The following SPG7 variants were observed in gnomAD, a reference collection of about 807,000 sequenced individuals.
SPG7 encodes mitochondrial inner membrane m-AAA protease component paraplegin.
A neutral mutation model predicts 81.9 loss-of-function variants in SPG7; 103 were observed. That is an observed-to-expected ratio of 1.26 (90% CI 1.07 to 1.48). The LOEUF (loss-of-function observed/expected upper bound fraction) is 1.48. Ranked by LOEUF, SPG7 falls within the 40% of genes most tolerant of loss-of-function variation. The probability of loss-of-function intolerance (pLI) is 0.00; values close to 1 mark genes in which losing one functional copy is unlikely to be tolerated. For synonymous variants in SPG7, 534 were observed against 444.2 expected, an observed-to-expected ratio of 1.20 and a Z score of -2.54; for missense variants, 1,241 against 1,087.3, an observed-to-expected ratio of 1.14 and a Z score of -1.99.
chr16:89,514,935 C>CTTT (rs56327708), intron 3 of SPG7, among the ~76,000 whole-genome samples: 2 of 122,534 alleles, frequency 1.6e-5, no homozygotes, highest in African/African-American at 3.1e-5. Flanking sequence ...TGGCCTTGAC[C>CTTT]TTTTTTTTTT....
At chr16:89,525,069 C>T (rs1439003248) in intron 4 of SPG7, among the ~76,000 whole-genome samples, 1 of 149,354 alleles carries the variant, frequency 6.7e-6, no homozygotes, top group Non-Finnish European at 1.5e-5. Context: ...AGGTGATCTA[C>T]CCACCTCAGC....
intron 8 of SPG7, 148 bp from the exon 9 acceptor site, chr16:89,532,315 C>T (rs976701310): frequency 2.8e-5 from 30 of 1,080,594 alleles, no homozygotes; most frequent in Admixed American, 1.7e-4. Flanking sequence ...CAGGGGCCCC[C>T]GCGAGCAGCT....
rs1052834886 is a variant in SPG7 at position 89,555,023 on chromosome 16, C to A, written c.2181+460C>A. 1.6e-5 allele frequency: 3 copies of A among 184,654 alleles called. No individual in the cohort carries two copies. The Admixed American group carries it at 1.7e-4, about 10-fold the overall frequency. The allele number at this position is 184,654 out of a possible 1,614,324, so 11.4% of individuals were successfully genotyped here. A position where few individuals can be genotyped will look rare whatever the true frequency, so the allele number is the denominator to read the frequency against. ...CTCTGCCTCCCGGGTTCCAGTGATT[C>A]TCCTGCCTCAGCCTCCCGAGTAGCT... On this transcript the variant is annotated intron_variant, in intron 16 of 16. Transcript: ENST00000645818.
intron 3 of SPG7, chr16:89,520,533 C>A (rs2058172087): frequency 1.3e-5 from 2 of 153,684 alleles, no homozygotes; most frequent in African/African-American, 4.8e-5. Flanking sequence ...AGTAGCTGGG[C>A]TTACAGGCGC....
chr16:89,521,398 C>G (rs996367915), intron 3 of SPG7: 2 of 152,212 alleles, frequency 1.3e-5, no homozygotes, highest in African/African-American at 4.8e-5. Flanking sequence ...ACGTTTGTGA[C>G]GAAAGCAGAA....
intron 9 of SPG7, chr16:89,541,809 C>T (rs895293753): frequency 3.9e-5 from 6 of 152,226 alleles, no homozygotes; most frequent in Admixed American, 2.6e-4. Context: ...ACCGCATGTC[C>T]CTGACACATA....
At chr16:89,546,827 C>T (rs2058570547) in intron 11 of SPG7, 67 bp downstream of exon 11, 1 of 1,029,082 alleles carries the variant, frequency 9.7e-7, no homozygotes, top group Non-Finnish European at 1.5e-6. Flanking sequence ...CCTGCGCAAA[C>T]AGCATCGAGG....
At chr16:89,536,789 C>T (rs1254641982) in intron 9 of SPG7, 2 of 1,614,136 alleles carry the variant, frequency 1.2e-6, no homozygotes, top group African/African-American at 1.3e-5. Context: ...CAGCTACCCT[C>T]CCAGGGGACC....
At position 89,548,998 on chromosome 16, in the gene SPG7, TG is replaced by T. The variant is rs1244261845; in HGVS notation, c.1663+888del. On this transcript the variant is annotated intron_variant, in intron 12 of 16. Coordinates refer to ENST00000645818, the MANE Select transcript of SPG7 (RefSeq NM_003119.4). ...CTTGCAGGTCCCCAGGGCTTCAGCT[TG>T]GGAAAGCAGTGGGTTCCTGCAGAGG... The T allele has an allele frequency of 1.1e-5, 5 of 455,724 alleles. No individual in the cohort carries two copies. In the East Asian group the frequency reaches 3.5e-4, roughly 32 times the overall value. 28.2% of individuals were successfully genotyped at this position (455,724 alleles called of 1,614,324 possible). A position where few individuals can be genotyped will look rare whatever the true frequency, so the allele number is the denominator to read the frequency against.
chr16:89,556,070 G>A (rs1006615828), intron 16 of SPG7: 5 of 398,696 alleles, frequency 1.3e-5, no homozygotes, highest in African/African-American at 2.1e-5. Flanking sequence ...GAGCCACAAC[G>A]GGAGCAAAGC....
intron 5 of SPG7, among the ~76,000 whole-genome samples, chr16:89,528,150 G>A (rs1030880234): frequency 6.6e-6 from 1 of 151,514 alleles, no homozygotes; most frequent in Non-Finnish European, 1.5e-5. Context: ...CAGCACTTTG[G>A]GAGGCCGAGG....
intron 3 of SPG7, among the ~76,000 whole-genome samples, chr16:89,516,155 T>G (rs962030045): frequency 1.9e-4 from 29 of 152,062 alleles, no homozygotes; most frequent in Non-Finnish European, 4.0e-4. Context: ...GCCCAGCTAA[T>G]TTTTGTAGTT....
intron 5 of SPG7, chr16:89,529,218 A>G: frequency 1.8e-6 from 1 of 550,746 alleles, no homozygotes; most frequent in Non-Finnish European, 3.3e-6. Context: ...GAACGTTGTT[A>G]TTGTCACAAG....
intron 5 of SPG7, 179 bp downstream of exon 5, chr16:89,526,647 G>C (rs1056316915): frequency 9.0e-6 from 6 of 670,302 alleles, no homozygotes; most frequent in Admixed American, 8.8e-5. Flanking sequence ...TGGAAATATA[G>C]TTATCCCTGG....
intron 10 of SPG7, 172 bp downstream of exon 10, chr16:89,544,944 G>A: frequency 2.7e-6 from 2 of 754,484 alleles, no homozygotes; most frequent in South Asian, 3.1e-5. Flanking sequence ...CAGCAGACCT[G>A]CCCACCGGCT....
In SPG7 at chr16:89,553,881, C is replaced by T; in HGVS notation, c.2024C>T (p.Ser675Phe). 1 of 1,613,440 alleles carries T rather than the reference C, an allele frequency of 6.2e-7. No individual in the cohort carries two copies. Among genetic ancestry groups the T allele is most frequent in the Non-Finnish European group, 8.5e-7 (1 of 1,180,018 alleles). The stretch of plus-strand genomic sequence containing the variant: ...ATGGCACCTGGCATCGGGCCCATCT[C>T]CTTCCCTGAGGCGCAGGAGGGCCTC... ...FGMAPGIGPI[S>F]FPEAQEGLMG... Residue 675 changes from serine (S) to phenylalanine (F), a missense_variant, in exon 15 of 17, where the codon TCC becomes TTC. By Grantham distance (155) the Ser-to-Phe change is radical. Transcript: ENST00000645818.
At chr16:89,526,628 C>A in intron 5 of SPG7, 160 bp downstream of exon 5, 1 of 756,914 alleles carries the variant, frequency 1.3e-6, no homozygotes, top group Non-Finnish European at 2.3e-6. Context: ...GATACAATGC[C>A]AGGAGATTTG....
chr16:89,529,872 CCTT>C, intron 6 of SPG7: 1 of 415,624 alleles, frequency 2.4e-6, no homozygotes, highest in African/African-American at 2.0e-5. Flanking sequence ...GGAGTTTCGC[CCTT>C]CTTGCCCAGG....
chr16:89,554,002 G>A (rs770779733), intron 15 of SPG7, 42 bp downstream of exon 15: 22 of 1,598,404 alleles, frequency 1.4e-5, no homozygotes, highest in African/African-American at 9.3e-5. Flanking sequence ...TGTGCTCCCC[G>A]GGGAGGGAGT....
Sources: allele counts gnomAD v4.1 joint callset (sites outside exome capture counted in the v4.1 genomes callset), GRCh38; gene constraint gnomAD v4.1.1; transcripts MANE v1.5; gene names NCBI Gene and HGNC (gene_info 2026-07-23, HGNC 2026-07-21).